ADAM10: variants seen among roughly 807,000 people sequenced by gnomAD.
The protein encoded by ADAM10 is ADAM metallopeptidase domain 10.
ADAM10 carries 17 observed loss-of-function variants against 90.1 expected under a neutral mutation model. The observed-to-expected ratio is 0.19, with a 90% CI of 0.13 to 0.28. The LOEUF is 0.28. Ranked by LOEUF, ADAM10 falls within the 10% of genes least tolerant of loss-of-function variation. The pLI is 1.00. For missense variants in ADAM10, 610 were observed against 914.3 expected (o/e 0.67, Z 4.29); for synonymous variants, 310 against 298.6 (o/e 1.04, Z -0.40).
At chr15:58,721,226 A>C (rs1474337697) in intron 1 of ADAM10, among the ~76,000 whole-genome samples, 1 of 152,218 alleles carries the variant, frequency 6.6e-6, no homozygotes, top group African/African-American at 2.4e-5. Flanking sequence ...ATTCACTTTC[A>C]CTGGCAAAAG....
chr15:58,676,261 A>G (rs1229110455), intron 4 of ADAM10: 8 of 455,660 alleles, frequency 1.8e-5, no homozygotes, highest in East Asian at 7.0e-5. Context: ...ATCAAGTGAC[A>G]TAAGTTTTCT....
intron 2 of ADAM10, among the ~76,000 whole-genome samples, chr15:58,705,400 A>C (rs1898249646): frequency 6.6e-6 from 1 of 152,190 alleles, no homozygotes; most frequent in Non-Finnish European, 1.5e-5. Context: ...TTGGCTAAGT[A>C]GTAAAATTGT....
rs1470254336 is a variant in ADAM10 at position 58,594,166 on chromosome 15, C to G, written c.*3381G>C. 1 of 152,192 alleles carries G rather than the reference C, an allele frequency of 6.6e-6. No homozygotes were observed. The highest frequency in any genetic ancestry group is 2.1e-4 in the South Asian group (1 of 4,832). The allele number at this position is 152,192 out of a possible 1,614,324, so 9.4% of individuals were successfully genotyped here. A position where few individuals can be genotyped will look rare whatever the true frequency, so the allele number is the denominator to read the frequency against. On this transcript the variant is annotated 3_prime_UTR_variant, in exon 16 of 16. Coordinates refer to ENST00000260408, the MANE Select transcript of ADAM10 (RefSeq NM_001110.4). ...GCAGCTGCTTTAAAACTACATCTGGCTTGCACCCTGGTTTTGGGAAACCTT... is the reference window on the plus strand; with the variant it reads ...GCAGCTGCTTTAAAACTACATCTGGGTTGCACCCTGGTTTTGGGAAACCTT...
At chr15:58,675,258 G>A (rs1356982665) in intron 4 of ADAM10, among the ~76,000 whole-genome samples, 1 of 151,872 alleles carries the variant, frequency 6.6e-6, no homozygotes, top group Non-Finnish European at 1.5e-5. Flanking sequence ...TGAAATGAAA[G>A]CAATAAACCC....
intron 1 of ADAM10, among the ~76,000 whole-genome samples, chr15:58,722,244 A>G (rs1374171515): frequency 1.3e-5 from 2 of 152,248 alleles, no homozygotes; most frequent in South Asian, 2.1e-4. Context: ...CAAGAGGCTG[A>G]GGCAGGAGAA....
intron 5 of ADAM10, 48 bp downstream of exon 5, chr15:58,665,049 C>T: frequency 1.5e-6 from 2 of 1,351,890 alleles, no homozygotes; most frequent in Non-Finnish European, 2.1e-6. Context: ...TATACATCCT[C>T]AAATTCATTT....
intron 1 of ADAM10, among the ~76,000 whole-genome samples, chr15:58,741,894 T>G (rs1285784292): frequency 6.6e-6 from 1 of 152,144 alleles, no homozygotes; most frequent in Non-Finnish European, 1.5e-5. Flanking sequence ...ATGGCCCAGT[T>G]AGCAATTCTC....
chr15:58,721,392 T>C (rs1274245803), intron 1 of ADAM10, among the ~76,000 whole-genome samples: 24 of 152,340 alleles, frequency 1.6e-4, no homozygotes, highest in Admixed American at 5.2e-4. Flanking sequence ...TTATCTTAAT[T>C]ATGCCTAAAT....
chr15:58,717,628 G>C lies in ADAM10; in HGVS notation c.155C>G (p.Ala52Gly). 1 of 1,613,858 alleles carries C rather than the reference G, an allele frequency of 6.2e-7. No homozygotes were observed. Among genetic ancestry groups the C allele is most frequent in the Non-Finnish European group, 8.5e-7 (1 of 1,179,952 alleles). ...LHQKHQRAKRAVSHEDQFLRL... is the reference protein window; with the variant it reads ...LHQKHQRAKRGVSHEDQFLRL... The stretch of plus-strand genomic sequence containing the variant: ...TAAAAATTGGTCTTCATGTGAGACT[G>C]CTCTTTTGGCACGCTGGTGTTTTTG... Residue 52 changes from alanine (A) to glycine (G), a missense_variant, in exon 2 of 16, where the codon GCA becomes GGA. By Grantham distance (60) the Ala-to-Gly change is moderately conservative (BLOSUM62 0). Around this residue, in one of 4 missense-constraint regions of ADAM10, gnomAD observed 310 missense variants for 362.4 expected, o/e 0.86. Transcript: ENST00000260408.
rs902956348 is a variant in ADAM10, at chr15:58,621,727, T to A, written c.1361-106A>T. ...CATAACAAAGGGATAAAGGAAAACT[T>A]TGATGAATAAGTAGAACAAACTAGG... On this transcript the variant is annotated intron_variant, in intron 10 of 15. Transcript: ENST00000260408. 5 of 1,392,400 alleles carry A rather than the reference T, an allele frequency of 3.6e-6. No individual in the cohort carries two copies. The South Asian group carries it at 5.9e-5, about 17-fold the overall frequency. 86.3% of individuals were successfully genotyped at this position (1,392,400 alleles called of 1,614,324 possible). A position where few individuals can be genotyped will look rare whatever the true frequency, so the allele number is the denominator to read the frequency against.
Position 58,610,530 on chromosome 15 carries a change from T to C in ADAM10, c.1805-13A>G, listed in dbSNP as rs202202831. The C allele has an allele frequency of 1.9e-6, 3 of 1,610,142 alleles. No individual in the cohort carries two copies. The South Asian group carries it at 3.3e-5, about 18-fold the overall frequency. On this transcript the variant is annotated splice_polypyrimidine_tract_variant and intron_variant, in intron 13 of 15. Transcript: ENST00000260408. ...GTTGATGGGTCCACTGGAAAAGAAA[T>C]GCCAAATATAAGCTGAAGGTCAGAT...
At chr15:58,621,360 A>G in intron 11 of ADAM10, 111 bp downstream of exon 11, 1 of 1,370,278 alleles carries the variant, frequency 7.3e-7, no homozygotes, top group East Asian at 2.3e-5. Flanking sequence ...ACAACAGATA[A>G]AAGCAAAGTT....
intron 1 of ADAM10, among the ~76,000 whole-genome samples, chr15:58,722,546 A>AG (rs2140824451): frequency 6.6e-6 from 1 of 150,478 alleles, no homozygotes; most frequent in African/African-American, 2.4e-5. Flanking sequence ...AAAAAAAAAA[A>AG]GAAAAGAACT....
In ADAM10 at chr15:58,679,307, T is replaced by G. The variant is rs1897366197; in HGVS notation, c.326-25A>C. The G allele has an allele frequency of 1.9e-6, 3 of 1,611,456 alleles. No individual in the cohort carries two copies. The African/African-American group carries it at 4.0e-5, about 21-fold the overall frequency. ...CCTATTAATGAAAGCAACAAATTCT[T>G]GACAATTTAATTTGCACATGAATGT... On this transcript the variant is annotated intron_variant, in intron 3 of 15. Coordinates refer to ENST00000260408, the MANE Select transcript of ADAM10 (RefSeq NM_001110.4).
At chr15:58,653,303 G>GA (rs1896733252) in intron 5 of ADAM10, among the ~76,000 whole-genome samples, 1 of 152,012 alleles carries the variant, frequency 6.6e-6, no homozygotes. Context: ...CCCAATCTTA[G>GA]AAAAAAGGCT....
At chr15:58,704,290 G>C in intron 2 of ADAM10, 1 of 152,198 alleles carries the variant, frequency 6.6e-6, no homozygotes, top group East Asian at 1.9e-4. Flanking sequence ...TAGAATAGTT[G>C]GTTGCCAGGG....
intron 1 of ADAM10, among the ~76,000 whole-genome samples, chr15:58,742,662 T>A (rs997838635): frequency 6.6e-6 from 1 of 152,220 alleles, no homozygotes; most frequent in Non-Finnish European, 1.5e-5. Flanking sequence ...CTTACAGGAA[T>A]CCAAGTGGTA....
chr15:58,601,409 C>T (rs969858600), intron 14 of ADAM10, among the ~76,000 whole-genome samples: 2 of 151,934 alleles, frequency 1.3e-5, no homozygotes, highest in South Asian at 2.1e-4. Flanking sequence ...TACAGTGAGC[C>T]GAGATTGTGC....
At chr15:58,617,166 T>C (rs1203052107) in intron 11 of ADAM10, among the ~76,000 whole-genome samples, 1 of 151,792 alleles carries the variant, frequency 6.6e-6, no homozygotes, top group African/African-American at 2.4e-5. Context: ...GAACAGTTGG[T>C]TTCTTGGAAA....
Sources: gnomAD v4.1 joint callset for allele counts (sites outside exome capture counted in the v4.1 genomes callset) on GRCh38, gnomAD v4.1.1 for gene constraint, gnomAD v4.1.1 regional missense constraint, MANE v1.5 for transcripts, NCBI Gene and HGNC (gene_info 2026-07-23, HGNC 2026-07-21) for gene names.